MINDY1: variants seen among roughly 807,000 people sequenced by gnomAD.
MINDY1 encodes the protein MINDY lysine 48 deubiquitinase 1, also known as ubiquitin carboxyl-terminal hydrolase MINDY-1.
MINDY1 carries 50 observed loss-of-function variants against 53.6 expected under a neutral mutation model. The observed-to-expected ratio is 0.93, with a 90% CI of 0.74 to 1.18. The LOEUF is 1.18. MINDY1 is among the 50% of genes most tolerant of loss of function. MINDY1 has a pLI of 0.00. For synonymous variants in MINDY1, 231 were observed against 234.7 expected (o/e 0.98, Z 0.14); for missense variants, 484 against 578.6 (o/e 0.84, Z 1.68).
At position 151,005,092 on chromosome 1, in the gene MINDY1, T is replaced by A. The variant is rs1456253602; in HGVS notation, c.-90+1220A>T. Among the ~76,000 whole-genome samples, 5 of 152,176 alleles carry A rather than the reference T, an allele frequency of 3.3e-5. No homozygotes were observed. The East Asian group carries it at 9.6e-4, about 29-fold the overall frequency. On this transcript the variant is annotated intron_variant, in intron 1 of 9. Transcript: ENST00000683666. ...TTCTCTCTCTCCTTTCCTTCTCCCC[T>A]TAAATGACACTTAGGGTGAACCTCA...
In MINDY1 at chr1:150,997,787, G is replaced by T; in HGVS notation, c.1174-8C>A. The T allele has an allele frequency of 1.9e-6, 3 of 1,607,894 alleles. No homozygotes were observed. The highest frequency in any genetic ancestry group is 1.7e-6 in the Non-Finnish European group (2 of 1,175,752). ...CAGAGCAATCAGGTAGTCCTGGGGA[G>T]AACAAGAGTTGTGCAGTGGGCTGAG... is the stretch of plus-strand genomic sequence containing the variant. On this transcript the variant is annotated splice_polypyrimidine_tract_variant and splice_region_variant and intron_variant, in intron 8 of 9. Transcript: ENST00000683666.
chr1:151,006,068 A>G lies in MINDY1; in HGVS notation c.-90+244T>C, dbSNP rs192120442. On this transcript the variant is annotated intron_variant, in intron 1 of 9. Coordinates refer to ENST00000683666, the MANE Select transcript of MINDY1 (RefSeq NM_001376665.1). ...TAGATTTTCATCTCAGAATATGTCA[A>G]CCATGGCCACAGTGCCCTGTATACT... 3.0e-4 allele frequency: 472 copies of G among 1,550,720 alleles called. 3 individuals carry two copies. In the African/African-American group the frequency reaches 5.8e-3, roughly 19 times the overall value.
chr1:150,999,452 A>G lies in MINDY1; in HGVS notation c.898T>C (p.Cys300Arg), dbSNP rs1672280169. The part of the protein sequence containing the change: ...TAAQLTYHGL[C>R]ELTAAAKEGE... ...TCCTTAGCAGCTGCTGTCAGCTCAC[A>G]CAGTCCGTGGTAGGTCAGCTGGGCC... The change falls in exon 7 of 10, where the codon TGT (cysteine) becomes CGT (arginine). Residue 300 changes from cysteine to arginine, a missense_variant. Transcript: ENST00000683666. This position sits in a 1 kb window ranked among gnomAD's most constrained non-coding sequence, Gnocchi z 4.4. The G allele has an allele frequency of 6.2e-7, 1 of 1,614,050 alleles. No individual in the cohort carries two copies. Among genetic ancestry groups the G allele is most frequent in the Non-Finnish European group, 8.5e-7 (1 of 1,180,038 alleles).
rs770582089 is a variant in MINDY1, at chr1:151,002,523, T to A, written c.95A>T (p.Asp32Val). Reference protein sequence around the residue: ...PENHEVLAGPDEHPQDTDARD... With the variant: ...PENHEVLAGPVEHPQDTDARD... ...TGCATCTGTGTCCTGAGGGTGCTCA[T>A]CTGGGCCTGCCAGAACCTCATGGTT... The change falls in exon 2 of 10, where the codon GAT becomes GTT. Residue 32 changes from aspartate to valine, a missense_variant. By Grantham distance (152) the Asp-to-Val change is radical. Transcript: ENST00000683666. This position sits in a 1 kb window ranked among gnomAD's most constrained non-coding sequence, Gnocchi z 4.1. The A allele has an allele frequency of 3.1e-6, 5 of 1,614,206 alleles. No homozygotes were observed. Among genetic ancestry groups the A allele is most frequent in the Non-Finnish European group, 2.5e-6 (3 of 1,180,030 alleles).
chr1:151,001,705 T>C lies in MINDY1; in HGVS notation c.511+20A>G, dbSNP rs375576344. 6.8e-6 allele frequency: 11 copies of C among 1,610,316 alleles called. No homozygotes were observed. The highest frequency in any genetic ancestry group is 9.3e-6 in the Non-Finnish European group (11 of 1,178,976). On this transcript the variant is annotated intron_variant, in intron 3 of 9. Transcript: ENST00000683666. ...TCTGGAGCCCCTTGGGTAATTCCTC[T>C]TCAACGCCCAGTCACTCACCAAGAT... is the stretch of plus-strand genomic sequence containing the variant.
Position 151,002,310 on chromosome 1 carries a change from G to A in MINDY1, c.308C>T (p.Ser103Phe), listed in dbSNP as rs866790487. ...ACSMPQELPQSPRTRQPEPDF... is the reference protein window; with the variant it reads ...ACSMPQELPQFPRTRQPEPDF... ...TGGCTCAGGCTGTCGGGTCCTGGGG[G>A]ACTGAGGAAGCTCCTGGGGCATGGA... The change falls in exon 2 of 10, where the codon TCC (serine) becomes TTC (phenylalanine). Residue 103 changes from serine to phenylalanine, a missense_variant. Ser to Phe is a radical substitution (Grantham distance 155). Transcript: ENST00000683666. This position sits in a 1 kb window ranked among gnomAD's most constrained non-coding sequence, Gnocchi z 4.1. The A allele has an allele frequency of 6.2e-6, 10 of 1,614,084 alleles. No individual in the cohort carries two copies. Among genetic ancestry groups the A allele is most frequent in the Non-Finnish European group, 8.5e-6 (10 of 1,180,048 alleles).
rs587744268 is a variant in MINDY1 at position 151,003,332 on chromosome 1, A to C, written c.-89-626T>G. Among the ~76,000 whole-genome samples, 5 of 152,206 alleles carry C rather than the reference A, an allele frequency of 3.3e-5. No homozygotes were observed. The South Asian group carries it at 1.0e-3, about 32-fold the overall frequency. On this transcript the variant is annotated intron_variant, in intron 1 of 9. Transcript: ENST00000683666. Reference sequence around the variant, plus strand: ...AGTCAGTTTCATGCCCCTAAAGGTGAAATGCTGGTGAGGAAGGGGAAGTCT... The same window carrying C: ...AGTCAGTTTCATGCCCCTAAAGGTGCAATGCTGGTGAGGAAGGGGAAGTCT...
At position 151,002,047 on chromosome 1, in the gene MINDY1, T is replaced by C; in HGVS notation, c.453+118A>G. The C allele has an allele frequency of 9.4e-7, 1 of 1,058,962 alleles. No individual in the cohort carries two copies. Among genetic ancestry groups the C allele is most frequent in the East Asian group, 2.4e-5 (1 of 41,458 alleles). 65.6% of individuals were successfully genotyped at this position (1,058,962 alleles called of 1,614,324 possible). A position where few individuals can be genotyped will look rare whatever the true frequency, so the allele number is the denominator to read the frequency against. ...ATCTCATTTGCTCAAGCTGGAGAAA[T>C]AGGGAGAACAATCTGAAAAGTTTTG... is the stretch of plus-strand genomic sequence containing the variant. On this transcript the variant is annotated intron_variant, in intron 2 of 9. Transcript: ENST00000683666. This position sits in a 1 kb window ranked among gnomAD's most constrained non-coding sequence, Gnocchi z 4.1.
In MINDY1 at chr1:151,002,105, G is replaced by C; in HGVS notation, c.453+60C>G. On this transcript the variant is annotated intron_variant, in intron 2 of 9. Transcript: ENST00000683666. The surrounding 1 kb of genome is among the most constrained non-coding windows in gnomAD (Gnocchi z 4.1). ...TGAGGACATCAGGATGATCAAGGAAGTAAGTCAGGGAAGAGTACTCCCTGA... is the reference window on the plus strand; with the variant it reads ...TGAGGACATCAGGATGATCAAGGAACTAAGTCAGGGAAGAGTACTCCCTGA... The C allele has an allele frequency of 6.8e-7, 1 of 1,470,124 alleles. No individual in the cohort carries two copies. Among genetic ancestry groups the C allele is most frequent in the Non-Finnish European group, 9.2e-7 (1 of 1,086,634 alleles). The allele number at this position is 1,470,124 out of a possible 1,614,324, so 91.1% of individuals were successfully genotyped here.
intron 1 of MINDY1, among the ~76,000 whole-genome samples, chr1:151,003,853 A>C (rs902157003): frequency 6.6e-6 from 1 of 152,204 alleles, no homozygotes; most frequent in Non-Finnish European, 1.5e-5. Context: ...ATTAATTTAC[A>C]TAACAATACT....
chr1:150,997,849 T>C, intron 8 of MINDY1, 70 bp from the exon 9 acceptor site: 1 of 1,500,794 alleles, frequency 6.7e-7, no homozygotes, highest in South Asian at 1.3e-5. Context: ...GGTTTCCAAA[T>C]CAGTTTTCCC....
chr1:151,006,150 C>G (rs910706336), intron 1 of MINDY1, 162 bp downstream of exon 1: 1 of 1,551,554 alleles, frequency 6.4e-7, no homozygotes, highest in Non-Finnish European at 8.7e-7. Flanking sequence ...GAGGACCAAG[C>G]AGCATCCCCT....
rs771203 is a variant in MINDY1 at position 151,001,038 on chromosome 1, G to A, written c.576+212C>T. 0.69 allele frequency among the ~76,000 whole-genome samples: 104,234 copies of A among 151,988 alleles called. 40,552 individuals are homozygous for A. The highest frequency in any genetic ancestry group is 0.87 in the South Asian group (4,216 of 4,822). On this transcript the variant is annotated intron_variant, in intron 4 of 9. Transcript: ENST00000683666. Reference sequence around the variant, plus strand: ...ACTCCTGGCCTCAAGTGATCCTCCCGCTTTGGCATCTCAAAGTGCTGGGAT... The same window carrying A: ...ACTCCTGGCCTCAAGTGATCCTCCCACTTTGGCATCTCAAAGTGCTGGGAT...
chr1:151,007,812 AG>A (rs778173472), upstream of MINDY1, among the ~76,000 whole-genome samples: 40 of 152,200 alleles, frequency 2.6e-4, no homozygotes, highest in Non-Finnish European at 5.1e-4. Flanking sequence ...CTCTATGTAC[AG>A]GGCCGCCACA....
chr1:151,007,812 A>G (rs1025661536), upstream of MINDY1, among the ~76,000 whole-genome samples: 2 of 152,200 alleles, frequency 1.3e-5, no homozygotes, highest in Non-Finnish European at 1.5e-5. Flanking sequence ...CTCTATGTAC[A>G]GGGCCGCCAC....
intron 7 of MINDY1, among the ~76,000 whole-genome samples, chr1:150,998,526 T>G (rs1672131913): frequency 6.6e-6 from 1 of 150,658 alleles, no homozygotes; most frequent in African/African-American, 2.5e-5. Flanking sequence ...GGCTAATGTT[T>G]GGTATTTTTT....
rs775554843 is a variant in MINDY1, at chr1:150,999,908, C to A, written c.792G>T (p.Arg264Ser). The stretch of plus-strand genomic sequence containing the variant: ...CACTGGAGTGTTTGCAGGTGATGAT[C>A]CTCTCCACCAGCTGGTTGTAACTCA... Reference protein sequence around the residue: ...GKLSYNQLVERIITCKHSSDT... With the variant: ...GKLSYNQLVESIITCKHSSDT... Residue 264 changes from arginine (R) to serine (S), a missense_variant, in exon 6 of 10, where the codon AGG (arginine) becomes AGT (serine). Coordinates refer to ENST00000683666, the MANE Select transcript of MINDY1 (RefSeq NM_001376665.1). The surrounding 1 kb of genome is among the most constrained non-coding windows in gnomAD (Gnocchi z 4.4). 1 of 1,614,020 alleles carries A rather than the reference C, an allele frequency of 6.2e-7. No individual in the cohort carries two copies. Among genetic ancestry groups the A allele is most frequent in the East Asian group, 2.2e-5 (1 of 44,866 alleles).
At chr1:151,001,842 C>A (rs1672620372) in intron 2 of MINDY1, 60 bp from the exon 3 acceptor site, 1 of 1,544,270 alleles carries the variant, frequency 6.5e-7, no homozygotes, top group East Asian at 2.4e-5. Context: ...GAAGGAAGAA[C>A]CCATGGAAAG....
At position 150,999,275 on chromosome 1, in the gene MINDY1, C is replaced by A; in HGVS notation, c.981+94G>T. The A allele has an allele frequency of 1.4e-5, 21 of 1,545,580 alleles. No individual in the cohort carries two copies. Among genetic ancestry groups the A allele is most frequent in the Non-Finnish European group, 1.8e-5 (20 of 1,135,434 alleles). ...AGGGATTTGAGGGGTCACTTGCTAC[C>A]ACGGCTTAATCTAGCTGATCCCAGC... On this transcript the variant is annotated intron_variant, in intron 7 of 9. Transcript: ENST00000683666. This position sits in a 1 kb window ranked among gnomAD's most constrained non-coding sequence, Gnocchi z 4.4.
Sources: gnomAD v4.1 joint callset for allele counts (sites outside exome capture counted in the v4.1 genomes callset) on GRCh38, gnomAD v4.1.1 for gene constraint, Gnocchi (gnomAD v3.1) non-coding constraint, MANE v1.5 for transcripts, NCBI Gene and HGNC (gene_info 2026-07-23, HGNC 2026-07-21) for gene names.